SGPL1: variants seen among roughly 807,000 people sequenced by gnomAD.
The protein encoded by SGPL1 is sphingosine-1-phosphate lyase 1.
A neutral mutation model predicts 68.9 loss-of-function variants in SGPL1; 37 were observed. The ratio of observed to expected loss-of-function variants is 0.54; its 90% CI spans 0.41 to 0.71. The LOEUF is 0.71. Ranked by LOEUF, SGPL1 falls within the 30% of genes least tolerant of loss-of-function variation. The pLI is 0.00. For synonymous variants in SGPL1, 236 were observed against 248.5 expected (o/e 0.95, Z 0.47); for missense variants, 551 against 704.6 (o/e 0.78, Z 2.47).
rs1480318364 is a variant in SGPL1, at chr10:70,860,389, C to T, written c.615+890C>T. 54 of 453,870 alleles carry T rather than the reference C, an allele frequency of 1.2e-4. 1 individual carries two copies. The highest frequency in any genetic ancestry group is 1.0e-3 in the Admixed American group (40 of 38,998). 28.1% of individuals were successfully genotyped at this position (453,870 alleles called of 1,614,324 possible). A position where few individuals can be genotyped will look rare whatever the true frequency, so the allele number is the denominator to read the frequency against. ...CCTAATTTAGTTTCTTTTTTTTTTT[C>T]CAGGAAGCATTGTTTTTGTTTTGTT... On this transcript the variant is annotated intron_variant, in intron 7 of 14. Coordinates refer to ENST00000373202, the MANE Select transcript of SGPL1 (RefSeq NM_003901.4).
rs754169507 is a variant in SGPL1 at position 70,878,953 on chromosome 10, C to G, written c.*1618C>G. 2 of 152,684 alleles carry G rather than the reference C, an allele frequency of 1.3e-5. No individual in the cohort carries two copies. Among genetic ancestry groups the G allele is most frequent in the Non-Finnish European group, 2.9e-5 (2 of 68,102 alleles). The allele number at this position is 152,684 out of a possible 1,614,324, so 9.5% of individuals were successfully genotyped here. A position where few individuals can be genotyped will look rare whatever the true frequency, so the allele number is the denominator to read the frequency against. ...GGGTGGTGCAGGGACAGGACCAGAC[C>G]CTGCGCCTATTTCCTGCCTTCTTTC... On this transcript the variant is annotated 3_prime_UTR_variant, in exon 15 of 15. Transcript: ENST00000373202.
At chr10:70,829,958 C>T (rs956628007) in intron 2 of SGPL1, among the ~76,000 whole-genome samples, 3 of 152,050 alleles carry the variant, frequency 2.0e-5, no homozygotes, top group Non-Finnish European at 2.9e-5. Flanking sequence ...TATTATAACT[C>T]GTAAAAATAT....
At chr10:70,861,338 A>T (rs540293868) in intron 7 of SGPL1, among the ~76,000 whole-genome samples, 133 of 152,258 alleles carry the variant, frequency 8.7e-4, no homozygotes, top group African/African-American at 3.2e-3. Flanking sequence ...GAGAAAATAG[A>T]TTACCTACAA....
chr10:70,850,771 C>T (rs567744242), intron 3 of SGPL1, among the ~76,000 whole-genome samples: 1 of 151,710 alleles, frequency 6.6e-6, no homozygotes, highest in East Asian at 1.9e-4. Flanking sequence ...ACAAGGTCTA[C>T]TACAGTGCTA....
chr10:70,835,149 T>C (rs1845604045), intron 2 of SGPL1, among the ~76,000 whole-genome samples: 1 of 152,186 alleles, frequency 6.6e-6, no homozygotes, highest in South Asian at 2.1e-4. Flanking sequence ...ATAGGCAATA[T>C]CATAATTACT....
At chr10:70,873,678 CCT>C in intron 12 of SGPL1, 89 bp downstream of exon 12, 4 of 938,668 alleles carry the variant, frequency 4.3e-6, no homozygotes, top group Non-Finnish European at 6.9e-6. Flanking sequence ...TATCCATAGC[CCT>C]AGCCCACCTG....
intron 4 of SGPL1, 67 bp from the exon 5 acceptor site, chr10:70,854,641 C>A: frequency 7.1e-7 from 1 of 1,418,322 alleles, no homozygotes; most frequent in South Asian, 1.4e-5. Context: ...GCTTGACTGT[C>A]ATAATAATTC....
At chr10:70,828,552 A>G (rs1405546921) in intron 2 of SGPL1, among the ~76,000 whole-genome samples, 4 of 152,222 alleles carry the variant, frequency 2.6e-5, no homozygotes, top group African/African-American at 9.6e-5. Context: ...CCCAGAGAGT[A>G]AAGCCTACTG....
rs575125337 is a variant in SGPL1 at position 70,875,353 on chromosome 10, A to G, written c.1299-49A>G. The G allele has an allele frequency of 2.3e-5, 28 of 1,210,154 alleles. No homozygotes were observed. In the African/African-American group the frequency reaches 4.0e-4, roughly 17 times the overall value. 75.0% of individuals were successfully genotyped at this position (1,210,154 alleles called of 1,614,324 possible). On this transcript the variant is annotated intron_variant, in intron 12 of 14. Coordinates refer to ENST00000373202, the MANE Select transcript of SGPL1 (RefSeq NM_003901.4). ...AAAGAGATAGTGACCAGGGGATTGT[A>G]TGTGACTGAATTTACTTTTTCTTCC...
intron 3 of SGPL1, 85 bp downstream of exon 3, chr10:70,844,723 C>A: frequency 1.6e-6 from 2 of 1,288,656 alleles, no homozygotes; most frequent in Non-Finnish European, 2.2e-6. Context: ...TAATTTATTG[C>A]CTTTTGGTTG....
chr10:70,854,042 G>A (rs1378433468), intron 4 of SGPL1, among the ~76,000 whole-genome samples: 1 of 152,216 alleles, frequency 6.6e-6, no homozygotes, highest in Non-Finnish European at 1.5e-5. Flanking sequence ...CACTGTAGCT[G>A]CTGCCAAGGC....
At chr10:70,826,467 A>G (rs934838583) in intron 2 of SGPL1, among the ~76,000 whole-genome samples, 1 of 152,256 alleles carries the variant, frequency 6.6e-6, no homozygotes, top group Non-Finnish European at 1.5e-5. Flanking sequence ...GGAAGAGGAA[A>G]CGGAAAAAGA....
chr10:70,864,409 T>C (rs1054736966), intron 7 of SGPL1, among the ~76,000 whole-genome samples: 2 of 152,220 alleles, frequency 1.3e-5, no homozygotes, highest in Admixed American at 6.5e-5. Context: ...AATAAACTTA[T>C]TTCAGACCTT....
chr10:70,854,837 A>C lies in SGPL1; in HGVS notation c.391A>C (p.Lys131Gln). ...CTCATCTGCTGTTTTGGAGAAACTT[A>C]AGGAGTACAGCTCTATGGGTATGAT... ...LSSSAVLEKL[K>Q]EYSSMDAFWQ... Residue 131 changes from lysine to glutamine, a missense_variant, in exon 5 of 15, where the codon AAG becomes CAG. By Grantham distance (53) the Lys-to-Gln change is moderately conservative. Transcript: ENST00000373202. The C allele has an allele frequency of 6.2e-7, 1 of 1,612,150 alleles. No individual in the cohort carries two copies. The highest frequency in any genetic ancestry group is 8.5e-7 in the Non-Finnish European group (1 of 1,179,182).
rs1329840251 is a variant in SGPL1, at chr10:70,878,450, C to T, written c.*1115C>T. On this transcript the variant is annotated 3_prime_UTR_variant, in exon 15 of 15. Coordinates refer to ENST00000373202, the MANE Select transcript of SGPL1 (RefSeq NM_003901.4). ...GAGCTTTTGGCCATGGTGCCGCCTT[C>T]CTGAATTGGCAGTGGTCAGAGCACA... 1.3e-5 allele frequency: 2 copies of T among 152,230 alleles called. No individual in the cohort carries two copies. Among genetic ancestry groups the T allele is most frequent in the Non-Finnish European group, 2.9e-5 (2 of 68,048 alleles). The allele number at this position is 152,230 out of a possible 1,614,324, so 9.4% of individuals were successfully genotyped here.
chr10:70,845,541 G>T (rs1336645345), intron 3 of SGPL1, among the ~76,000 whole-genome samples: 1 of 152,108 alleles, frequency 6.6e-6, no homozygotes, highest in African/African-American at 2.4e-5. Flanking sequence ...CCACTTCTCA[G>T]GGTGCAGAAG....
At chr10:70,859,249 TTA>T in intron 6 of SGPL1, 120 bp from the exon 7 acceptor site, 1 of 591,124 alleles carries the variant, frequency 1.7e-6, no homozygotes, top group African/African-American at 2.0e-5. Flanking sequence ...GGAATATATC[TTA>T]TCTTTTTTTC....
Position 70,880,891 on chromosome 10 carries a change from A to T in SGPL1, c.*3556A>T, listed in dbSNP as rs1427416428. On this transcript the variant is annotated 3_prime_UTR_variant, in exon 15 of 15. Coordinates refer to ENST00000373202, the MANE Select transcript of SGPL1 (RefSeq NM_003901.4). ...TGTCTGGGGTGCTTATTGCTGCTCC[A>T]TACAGCTGTACGTCAGCCCCTTGGC... is the stretch of plus-strand genomic sequence containing the variant. 1 of 152,164 alleles carries T rather than the reference A, an allele frequency of 6.6e-6. No individual in the cohort carries two copies. Among genetic ancestry groups the T allele is most frequent in the East Asian group, 1.9e-4 (1 of 5,180 alleles). The allele number at this position is 152,164 out of a possible 1,614,324, so 9.4% of individuals were successfully genotyped here.
At chr10:70,821,014 C>G (rs1378922009) in intron 2 of SGPL1, among the ~76,000 whole-genome samples, 1 of 152,244 alleles carries the variant, frequency 6.6e-6, no homozygotes, top group Non-Finnish European at 1.5e-5. Flanking sequence ...CCACATATAA[C>G]AAGCCTTGAA....
Sources: allele counts gnomAD v4.1 joint callset (sites outside exome capture counted in the v4.1 genomes callset), GRCh38; gene constraint gnomAD v4.1.1; transcripts MANE v1.5; gene names NCBI Gene and HGNC (gene_info 2026-07-23, HGNC 2026-07-21).